TTC29: variants seen among roughly 807,000 people sequenced by gnomAD.
TTC29 encodes tetratricopeptide repeat domain 29, also known as tetratricopeptide repeat protein 29.
TTC29 carries 49 observed loss-of-function variants against 58.1 expected under a neutral mutation model. The ratio of observed to expected loss-of-function variants is 0.84; its 90% CI spans 0.67 to 1.07. TTC29 has a LOEUF of 1.07. Among genes scored for constraint, TTC29 ranks in the 50% least tolerant of loss-of-function variants. TTC29 has a pLI of 0.00. For missense variants in TTC29, 582 were observed against 555.6 expected, an observed-to-expected ratio of 1.05 and a Z score of -0.48; for synonymous variants, 209 against 196.8, an observed-to-expected ratio of 1.06 and a Z score of -0.52.
intron 6 of TTC29, among the ~76,000 whole-genome samples, chr4:146,894,439 C>A (rs1415285779): frequency 1.3e-5 from 2 of 150,300 alleles, no homozygotes; most frequent in Non-Finnish European, 2.9e-5. Context: ...GACAAAAAAC[C>A]AAACACCACA....
At chr4:146,708,328 A>ATATACATG (rs1742163739) in intron 11 of TTC29, among the ~76,000 whole-genome samples, 1 of 47,544 alleles carries the variant, frequency 2.1e-5, no homozygotes, top group African/African-American at 5.5e-5. Context: ...ATATATATAT[A>ATATACATG]TATATATATA....
chr4:146,760,721 A>G (rs1746820752), intron 11 of TTC29, among the ~76,000 whole-genome samples: 1 of 148,030 alleles, frequency 6.8e-6, no homozygotes, highest in South Asian at 2.1e-4. Context: ...TGCTGGGATC[A>G]TTGGCTAGCT....
chr4:146,837,743 G>A lies in TTC29; in HGVS notation c.886-3846C>T, dbSNP rs1012466374. ...GATAATATGTTGGAAACAGAGCCAG[G>A]ATCAGGATGGTTAAAATCTAGCATC... On this transcript the variant is annotated intron_variant, in intron 8 of 12. Coordinates refer to ENST00000325106, the MANE Select transcript of TTC29 (RefSeq NM_031956.4). Among the ~76,000 whole-genome samples, 3 of 152,110 alleles carry A rather than the reference G, an allele frequency of 2.0e-5. No homozygotes were observed. The East Asian group carries it at 5.8e-4, about 29-fold the overall frequency.
intron 10 of TTC29, among the ~76,000 whole-genome samples, chr4:146,809,921 C>T (rs1486181752): frequency 7.4e-6 from 1 of 134,410 alleles, no homozygotes; most frequent in Non-Finnish European, 1.6e-5. Flanking sequence ...GGGTATATTC[C>T]CCAAGGATTA....
intron 4 of TTC29, among the ~76,000 whole-genome samples, chr4:146,927,099 A>C (rs944001618): frequency 2.1e-5 from 3 of 144,834 alleles, no homozygotes; most frequent in African/African-American, 7.5e-5. Context: ...AAAAAAGAAA[A>C]AAAAAGACAC....
chr4:146,882,404 A>C (rs566033254), intron 6 of TTC29, among the ~76,000 whole-genome samples: 3 of 152,148 alleles, frequency 2.0e-5, no homozygotes, highest in South Asian at 2.1e-4. Flanking sequence ...AAAAGTAAGG[A>C]ATTTATATTA....
At position 146,749,450 on chromosome 4, in the gene TTC29, G is replaced by A. The variant is rs1431960293; in HGVS notation, c.1331-41899C>T. 2.6e-5 allele frequency among the ~76,000 whole-genome samples: 4 copies of A among 152,214 alleles called. No homozygotes were observed. The East Asian group carries it at 7.7e-4, about 29-fold the overall frequency. ...AAAGAATCTGTAAAGTTGAAGATAGGTCTTCTGAAATGACCTCCATCAGAG... is the reference window on the plus strand; with the variant it reads ...AAAGAATCTGTAAAGTTGAAGATAGATCTTCTGAAATGACCTCCATCAGAG... On this transcript the variant is annotated intron_variant, in intron 11 of 12. Coordinates refer to ENST00000325106, the MANE Select transcript of TTC29 (RefSeq NM_031956.4).
At chr4:146,797,452 C>CT (rs1364700818) in intron 11 of TTC29, among the ~76,000 whole-genome samples, 1 of 151,980 alleles carries the variant, frequency 6.6e-6, no homozygotes, top group Non-Finnish European at 1.5e-5. Context: ...ATTCTCTCAG[C>CT]TTTTATATGG....
Position 146,867,555 on chromosome 4 carries a change from G to A in TTC29, c.828C>T (p.Ala276=), listed in dbSNP as rs142681375. ...EGSDKKMEAE[A]SYYLGLAHLA... ...AGTGTGCTAAGCCCAAGTAGTAAGAGGCTTCCGCTTCCATCTTTTTGTCAC... is the reference window on the plus strand; with the variant it reads ...AGTGTGCTAAGCCCAAGTAGTAAGAAGCTTCCGCTTCCATCTTTTTGTCAC... The change falls in exon 8 of 13, where the codon GCC becomes GCT. Residue 276 remains alanine (A), a synonymous_variant. Transcript: ENST00000325106. The A allele has an allele frequency of 2.3e-5, 35 of 1,550,418 alleles. No homozygotes were observed. The East Asian group carries it at 3.8e-4, about 17-fold the overall frequency.
At chr4:146,846,628 C>T (rs1037873478) in intron 8 of TTC29, among the ~76,000 whole-genome samples, 2 of 152,082 alleles carry the variant, frequency 1.3e-5, no homozygotes, top group African/African-American at 4.8e-5. Flanking sequence ...TCTGGCTCTG[C>T]AGAAAAGGAT....
chr4:146,888,980 C>G (rs574475568), intron 6 of TTC29, among the ~76,000 whole-genome samples: 36 of 152,152 alleles, frequency 2.4e-4, no homozygotes, highest in African/African-American at 8.4e-4. Flanking sequence ...GGTTTACTAC[C>G]CAGTCTAACA....
At chr4:146,787,118 A>G (rs1298012391) in intron 11 of TTC29, among the ~76,000 whole-genome samples, 1 of 152,168 alleles carries the variant, frequency 6.6e-6, no homozygotes, top group Non-Finnish European at 1.5e-5. Context: ...TTTCATGTAA[A>G]TGTTATTTGG....
intron 10 of TTC29, among the ~76,000 whole-genome samples, chr4:146,809,348 C>T (rs561398310): frequency 4.7e-5 from 7 of 150,146 alleles, no homozygotes; most frequent in African/African-American, 1.5e-4. Flanking sequence ...ATGACTAAAG[C>T]ACCAAAAGCA....
intron 11 of TTC29, among the ~76,000 whole-genome samples, chr4:146,733,235 C>T (rs955186080): frequency 6.6e-6 from 1 of 152,126 alleles, no homozygotes; most frequent in African/African-American, 2.4e-5. Context: ...CTGATAGTCA[C>T]AGGCAGAGGG....
chr4:146,910,569 C>A (rs1410524935), intron 4 of TTC29, among the ~76,000 whole-genome samples: 1 of 152,014 alleles, frequency 6.6e-6, no homozygotes, highest in Non-Finnish European at 1.5e-5. Context: ...ATGAAGAGAT[C>A]TTACGGTAAA....
intron 4 of TTC29, among the ~76,000 whole-genome samples, chr4:146,910,111 TA>T (rs896644074): frequency 1.7e-4 from 25 of 150,930 alleles, no homozygotes; most frequent in South Asian, 4.2e-4. Flanking sequence ...TTATATTCTT[TA>T]AAAAAAAATA....
chr4:146,857,457 A>G (rs1228607014), intron 8 of TTC29, among the ~76,000 whole-genome samples: 1 of 151,982 alleles, frequency 6.6e-6, no homozygotes, highest in Non-Finnish European at 1.5e-5. Context: ...TAAAGCAGGA[A>G]AATGACTGCT....
At chr4:146,824,027 T>C (rs959321985) in intron 9 of TTC29, among the ~76,000 whole-genome samples, 2 of 152,202 alleles carry the variant, frequency 1.3e-5, no homozygotes, top group African/African-American at 4.8e-5. Flanking sequence ...TTTCTAAATA[T>C]ACAATCATGT....
intron 6 of TTC29, among the ~76,000 whole-genome samples, chr4:146,890,939 T>C (rs1011341886): frequency 1.3e-5 from 2 of 152,086 alleles, no homozygotes; most frequent in East Asian, 1.9e-4. Flanking sequence ...GGGGGAGCTA[T>C]TGGAAGAGAC....
Sources: allele counts gnomAD v4.1 joint callset (sites outside exome capture counted in the v4.1 genomes callset), GRCh38; gene constraint gnomAD v4.1.1; transcripts MANE v1.5; gene names NCBI Gene and HGNC (gene_info 2026-07-23, HGNC 2026-07-21).